Variants in KIF13B observed in about 807,000 individuals in gnomAD.
The protein encoded by KIF13B is kinesin family member 13B.
Under a neutral mutation model 222.0 loss-of-function variants are expected in KIF13B, and 127 were observed. That is an observed-to-expected ratio of 0.57 (90% CI 0.50 to 0.66). The LOEUF (loss-of-function observed/expected upper bound fraction) is 0.66. KIF13B is among the 30% of genes least tolerant of loss of function. The pLI is 0.00. For missense variants in KIF13B, 2,173 were observed against 2,379.0 expected (o/e 0.91, Z 1.80); for synonymous variants, 976 against 919.0 (o/e 1.06, Z -1.12).
intron 24 of KIF13B, among the ~76,000 whole-genome samples, chr8:29,130,070 T>C (rs538250237): frequency 6.6e-5 from 10 of 152,264 alleles, no homozygotes; most frequent in Non-Finnish European, 1.3e-4. Flanking sequence ...AGCTGTTTGA[T>C]ATGTTTGGTT....
intron 36 of KIF13B, among the ~76,000 whole-genome samples, chr8:29,098,602 CAAA>C (rs202180136): frequency 1.3e-4 from 8 of 60,736 alleles, no homozygotes; most frequent in Non-Finnish European, 7.0e-5. Context: ...GACTCTGTCT[CAAA>C]AAAAAAAAAA....
intron 3 of KIF13B, among the ~76,000 whole-genome samples, chr8:29,194,448 G>GT (rs1216717885): frequency 6.6e-6 from 1 of 152,124 alleles, no homozygotes; most frequent in Non-Finnish European, 1.5e-5. Context: ...AAGAAAAAAG[G>GT]TAAGTGCCTT....
At chr8:29,126,793 C>A (rs1810132465) in intron 25 of KIF13B, among the ~76,000 whole-genome samples, 1 of 152,128 alleles carries the variant, frequency 6.6e-6, no homozygotes, top group African/African-American at 2.4e-5. Context: ...AAATCAAACA[C>A]CTGCTGGCAA....
chr8:29,235,203 A>G (rs555626503), intron 2 of KIF13B, among the ~76,000 whole-genome samples: 4 of 152,230 alleles, frequency 2.6e-5, no homozygotes, highest in Non-Finnish European at 4.4e-5. Flanking sequence ...ATGAAACAGC[A>G]TTGACACAAA....
In KIF13B at chr8:29,127,141, C is replaced by T. The variant is rs374281215; in HGVS notation, c.3203G>A (p.Arg1068Lys). The change falls in exon 25 of 40, where the codon AGA (arginine) becomes AAA (lysine). Residue 1068 changes from arginine (R) to lysine (K), a missense_variant. By Grantham distance (26) the Arg-to-Lys change is conservative. Transcript: ENST00000524189. ...CVKVRPLRAP[R>K]THETFHEEEE... The stretch of plus-strand genomic sequence containing the variant: ...ACTTACATGGAAGGTCTCATGTGTT[C>T]TGGGGGCTCTGAGCGGTCTAACTTT... 2.4e-5 allele frequency: 39 copies of T among 1,613,938 alleles called. No homozygotes were observed. The highest frequency in any genetic ancestry group is 3.3e-5 in the Non-Finnish European group (39 of 1,179,844).
At chr8:29,255,064 G>T (rs898351665) in intron 1 of KIF13B, among the ~76,000 whole-genome samples, 9 of 152,228 alleles carry the variant, frequency 5.9e-5, no homozygotes, top group African/African-American at 1.9e-4. Flanking sequence ...AGGATTCCAT[G>T]TATTAAATGT....
intron 15 of KIF13B, 61 bp from the exon 16 acceptor site, chr8:29,148,828 A>G (rs2130003884): frequency 7.3e-7 from 1 of 1,370,326 alleles, no homozygotes; most frequent in East Asian, 2.3e-5. Flanking sequence ...CATGTCATTC[A>G]TTAAGTACTG....
At chr8:29,196,244 T>TAAA in intron 2 of KIF13B, 45 bp from the exon 3 acceptor site, 2 of 1,233,092 alleles carry the variant, frequency 1.6e-6, no homozygotes, top group Non-Finnish European at 1.1e-6. Flanking sequence ...AAAGAAAAGT[T>TAAA]AAAAAAAAAA....
intron 13 of KIF13B, among the ~76,000 whole-genome samples, chr8:29,157,455 C>G (rs1811585966): frequency 6.7e-6 from 1 of 149,728 alleles, no homozygotes; most frequent in Non-Finnish European, 1.5e-5. Flanking sequence ...GTGATCCCAG[C>G]ACTTTGGGAG....
intron 1 of KIF13B, among the ~76,000 whole-genome samples, chr8:29,261,091 A>G (rs1816662395): frequency 6.6e-6 from 1 of 152,226 alleles, no homozygotes; most frequent in African/African-American, 2.4e-5. Context: ...AGAAGTCCAC[A>G]TGCACGTCAG....
chr8:29,238,074 T>C (rs2925207), intron 2 of KIF13B, among the ~76,000 whole-genome samples: 31,137 of 152,136 alleles, frequency 0.2, 3,376 homozygotes, highest in African/African-American at 0.25. Context: ...CTCAAGTCAT[T>C]TCACAGCAGA....
rs1812926967 is a variant in KIF13B, at chr8:29,186,353, C to T, written c.436G>A (p.Val146Ile). 1 of 1,613,834 alleles carries T rather than the reference C, an allele frequency of 6.2e-7. No individual in the cohort carries two copies. Among genetic ancestry groups the T allele is most frequent in the Non-Finnish European group, 8.5e-7 (1 of 1,179,732 alleles). ...KEENEEQSFK[V>I]EVSYMEIYNE... ...TAAATTTCCATGTAGGACACTTCTACTTTAAAACTCTGTTCTTCATTTTCC... is the reference window on the plus strand; with the variant it reads ...TAAATTTCCATGTAGGACACTTCTATTTTAAAACTCTGTTCTTCATTTTCC... The change falls in exon 6 of 40, where the codon GTA becomes ATA. Residue 146 changes from valine (V) to isoleucine (I), a missense_variant. Transcript: ENST00000524189.
intron 21 of KIF13B, among the ~76,000 whole-genome samples, chr8:29,139,436 C>G (rs1586830489): frequency 6.6e-6 from 1 of 152,102 alleles, no homozygotes; most frequent in African/African-American, 2.4e-5. Context: ...AAATCAAGTA[C>G]AATATAATAA....
intron 29 of KIF13B, 123 bp downstream of exon 29, chr8:29,122,468 C>T (rs1420104569): frequency 1.8e-5 from 13 of 739,200 alleles, no homozygotes; most frequent in Middle Eastern, 2.3e-4. Flanking sequence ...CATGGACACA[C>T]GTCAAACTGG....
chr8:29,231,804 T>C (rs1298358797), intron 2 of KIF13B, among the ~76,000 whole-genome samples: 2 of 152,018 alleles, frequency 1.3e-5, no homozygotes, highest in Non-Finnish European at 2.9e-5. Context: ...GAAATGTACA[T>C]ATATGTGTAT....
chr8:29,173,075 C>T (rs1812318835), intron 10 of KIF13B, among the ~76,000 whole-genome samples: 1 of 151,978 alleles, frequency 6.6e-6, no homozygotes. Flanking sequence ...CCACCACACC[C>T]AGCTAATTTT....
intron 2 of KIF13B, among the ~76,000 whole-genome samples, chr8:29,205,814 G>A (rs1192729195): frequency 2.0e-5 from 3 of 152,106 alleles, no homozygotes; most frequent in Non-Finnish European, 4.4e-5. Flanking sequence ...CAGGCGTGGT[G>A]GCTCACACCT....
rs936856395 is a variant in KIF13B, at chr8:29,262,865, G to T, written c.55+115C>A. The T allele has an allele frequency of 1.9e-5, 15 of 770,090 alleles. No individual in the cohort carries two copies. The African/African-American group carries it at 2.3e-4, about 12-fold the overall frequency. 47.7% of individuals were successfully genotyped at this position (770,090 alleles called of 1,614,324 possible). ...TCAGGGTCCCCGGGCCCCTCCTCGC[G>T]CCCCGCCGCTGACTATAGGGGCGGG... On this transcript the variant is annotated intron_variant, in intron 1 of 39. Coordinates refer to ENST00000524189, the MANE Select transcript of KIF13B (RefSeq NM_015254.4).
At chr8:29,247,434 C>T (rs920981156) in intron 1 of KIF13B, among the ~76,000 whole-genome samples, 4 of 151,928 alleles carry the variant, frequency 2.6e-5, no homozygotes, top group Admixed American at 2.6e-4. Context: ...AAAAAGCACA[C>T]CATCGACAGT....
Sources: gnomAD v4.1 joint callset for allele counts (sites outside exome capture counted in the v4.1 genomes callset) on GRCh38, gnomAD v4.1.1 for gene constraint, MANE v1.5 for transcripts, NCBI Gene and HGNC (gene_info 2026-07-23, HGNC 2026-07-21) for gene names.